Variants in FAM234B observed in about 807,000 individuals in gnomAD.
The protein encoded by FAM234B is protein FAM234B.
FAM234B carries 33 observed loss-of-function variants against 69.3 expected under a neutral mutation model. The observed-to-expected ratio is 0.48, with a 90% confidence interval of 0.36 to 0.64. The LOEUF (loss-of-function observed/expected upper bound fraction) is 0.64. Ranked by LOEUF, FAM234B falls within the 30% of genes least tolerant of loss-of-function variation. The pLI, the probability that FAM234B is intolerant of heterozygous loss-of-function variation, is 0.00. For missense variants in FAM234B, 697 were observed against 769.7 expected (o/e 0.91, Z 1.12); for synonymous variants, 306 against 306.9 (o/e 1.00, Z 0.03).
At position 13,067,979 on chromosome 12, in the gene FAM234B, C is replaced by A. The variant is rs181790518; in HGVS notation, c.1143-325C>A. On this transcript the variant is annotated intron_variant, in intron 7 of 12. Transcript: ENST00000197268. This position sits in a 1 kb window ranked among gnomAD's most constrained non-coding sequence, Gnocchi z 4.7. ...TCATTGGCAACCTCTGGCCTCCTGT[C>A]CAGATCTCTGTCTGCCTTCCCTGTG... Among the ~76,000 whole-genome samples, 370 of 152,328 alleles carry A rather than the reference C, an allele frequency of 2.4e-3. 7 individuals carry two copies. Among genetic ancestry groups the A allele is most frequent in the Non-Finnish European group, 9.7e-4 (66 of 68,038 alleles).
intron 11 of FAM234B, among the ~76,000 whole-genome samples, chr12:13,077,924 G>C (rs1490662868): frequency 1.3e-5 from 2 of 152,082 alleles, no homozygotes; most frequent in African/African-American, 4.8e-5. Flanking sequence ...ATCCTCTCCA[G>C]CACCTGTTGT....
In FAM234B at chr12:13,055,555, G is replaced by A. The variant is rs1036773613; in HGVS notation, c.42G>A (p.Lys14=). Residue 14 remains lysine, a synonymous_variant, in exon 2 of 13, where the codon AAG becomes AAA. Transcript: ENST00000197268. ...VLSRALKLPG[K]KSPDLGEYDP... is the part of the protein sequence containing the mutation. ...TCTGTTTTTCTGTATTTTCAGGGAAGAAGAGCCCAGACCTAGGGGAGTATG... is the reference window on the plus strand; with the variant it reads ...TCTGTTTTTCTGTATTTTCAGGGAAAAAGAGCCCAGACCTAGGGGAGTATG... 2 of 1,585,096 alleles carry A rather than the reference G, an allele frequency of 1.3e-6. No homozygotes were observed. Among genetic ancestry groups the A allele is most frequent in the Non-Finnish European group, 1.7e-6 (2 of 1,158,730 alleles).
rs150884504 is a variant in FAM234B, at chr12:13,049,460, G to A, written c.37+5020G>A. Among the ~76,000 whole-genome samples the A allele has an allele frequency of 3.2e-3, 495 of 152,350 alleles. 3 individuals are homozygous for A. The highest frequency in any genetic ancestry group is 0.011 in the African/African-American group (471 of 41,574). On this transcript the variant is annotated intron_variant, in intron 1 of 12. Coordinates refer to ENST00000197268, the MANE Select transcript of FAM234B (RefSeq NM_020853.2). ...CTCCCAAAGTGCTGGGATTACAGGC[G>A]TGAGCCAGCACCCCTGGTCTGAGAT...
At chr12:13,057,377 T>C (rs1295968386) in intron 2 of FAM234B, among the ~76,000 whole-genome samples, 1 of 152,246 alleles carries the variant, frequency 6.6e-6, no homozygotes, top group Non-Finnish European at 1.5e-5. Context: ...TTTTCACTAC[T>C]GTCTGATTTT....
chr12:13,052,507 C>T (rs1413210901), intron 1 of FAM234B, among the ~76,000 whole-genome samples: 1 of 152,074 alleles, frequency 6.6e-6, no homozygotes, highest in Admixed American at 6.5e-5. Context: ...GTTAAGTATA[C>T]AGTTCAGTAT....
chr12:13,059,193 G>T (rs1000842331), intron 3 of FAM234B, among the ~76,000 whole-genome samples: 23 of 152,206 alleles, frequency 1.5e-4, no homozygotes, highest in Non-Finnish European at 4.4e-5. Flanking sequence ...CCCCGCCGGG[G>T]TCACTGCAGA....
At chr12:13,053,020 T>C (rs1267745708) in intron 1 of FAM234B, among the ~76,000 whole-genome samples, 1 of 152,164 alleles carries the variant, frequency 6.6e-6, no homozygotes. Context: ...GAAATACAAA[T>C]TGTAGGAGAT....
In FAM234B at chr12:13,082,066, C is replaced by T. The variant is rs1591605489; in HGVS notation, c.*1436C>T. 1 of 147,198 alleles carries T rather than the reference C, an allele frequency of 6.8e-6. No homozygotes were observed. The highest frequency in any genetic ancestry group is 2.5e-5 in the African/African-American group (1 of 39,726). The allele number at this position is 147,198 out of a possible 1,614,324, so 9.1% of individuals were successfully genotyped here. A position where few individuals can be genotyped will look rare whatever the true frequency, so the allele number is the denominator to read the frequency against. On this transcript the variant is annotated 3_prime_UTR_variant, in exon 13 of 13. Transcript: ENST00000197268. ...CTTCGCCTCCTGGGTTCAAGCGATT[C>T]TCCAGCCTTAGCCTCCCAAGTAGCT...
At chr12:13,062,802 G>T (rs368875135) in intron 4 of FAM234B, 43 bp from the exon 5 acceptor site, 49 of 1,606,124 alleles carry the variant, frequency 3.1e-5, no homozygotes, top group Non-Finnish European at 3.7e-5. Context: ...TTTTCCAAAG[G>T]CAAGAAGTTG....
chr12:13,053,583 A>C (rs1182212482), intron 1 of FAM234B, among the ~76,000 whole-genome samples: 3 of 152,192 alleles, frequency 2.0e-5, no homozygotes, highest in Non-Finnish European at 2.9e-5. Flanking sequence ...GGGTGTAGGA[A>C]CAGGGAGTAG....
In FAM234B at chr12:13,044,448, G is replaced by A; in HGVS notation, c.37+8G>A. On this transcript the variant is annotated splice_region_variant and intron_variant, in intron 1 of 12. Transcript: ENST00000197268. This position sits in a 1 kb window ranked among gnomAD's most constrained non-coding sequence, Gnocchi z 5.6. ...GGGCGCTCAAGCTGCCGGGTAAGGA[G>A]TCGCATGCTTGCGACCACCCAGTCC... The A allele has an allele frequency of 6.4e-7, 1 of 1,551,126 alleles. No individual in the cohort carries two copies. The highest frequency in any genetic ancestry group is 8.7e-7 in the Non-Finnish European group (1 of 1,146,840).
rs141623503 is a variant in FAM234B at position 13,048,313 on chromosome 12, C to A, written c.37+3873C>A. Among the ~76,000 whole-genome samples, 5 of 152,206 alleles carry A rather than the reference C, an allele frequency of 3.3e-5. No individual in the cohort carries two copies. In the East Asian group the frequency reaches 7.7e-4, roughly 23 times the overall value. ...GTCATTAGTGACTTGATTCTTTTTCCTTTGGCCTGGCTGCTTATAGGATTC... is the reference window on the plus strand; with the variant it reads ...GTCATTAGTGACTTGATTCTTTTTCATTTGGCCTGGCTGCTTATAGGATTC... On this transcript the variant is annotated intron_variant, in intron 1 of 12. Coordinates refer to ENST00000197268, the MANE Select transcript of FAM234B (RefSeq NM_020853.2).
At chr12:13,063,561 T>C (rs931186799) in intron 5 of FAM234B, among the ~76,000 whole-genome samples, 4 of 152,206 alleles carry the variant, frequency 2.6e-5, no homozygotes, top group African/African-American at 9.7e-5. Context: ...ATCTAGGCTG[T>C]GACAAGGCAG....
At chr12:13,077,582 C>G (rs944242136) in intron 11 of FAM234B, among the ~76,000 whole-genome samples, 3 of 151,850 alleles carry the variant, frequency 2.0e-5, no homozygotes, top group African/African-American at 7.3e-5. Context: ...TCATCCATGT[C>G]CCTACAAAGG....
At chr12:13,064,493 T>C (rs978391676) in intron 5 of FAM234B, among the ~76,000 whole-genome samples, 1 of 152,214 alleles carries the variant, frequency 6.6e-6, no homozygotes, top group African/African-American at 2.4e-5. Context: ...GGATAGTGGC[T>C]CAGGCCCTTG....
chr12:13,051,546 CT>C (rs1327097682), intron 1 of FAM234B, among the ~76,000 whole-genome samples: 2 of 152,218 alleles, frequency 1.3e-5, no homozygotes, highest in East Asian at 3.8e-4. Context: ...CTCTCAAGAT[CT>C]TACGTTATAG....
At position 13,079,715 on chromosome 12, in the gene FAM234B, TTGAACCAAACCCCTCTCC is replaced by T. The variant is rs1340850274; in HGVS notation, c.1643-71_1643-54del. 33 of 908,740 alleles carry T rather than the reference TTGAACCAAACCCCTCTCC, an allele frequency of 3.6e-5. No homozygotes were observed. The Admixed American group carries it at 6.6e-4, about 18-fold the overall frequency. The allele number at this position is 908,740 out of a possible 1,614,324, so 56.3% of individuals were successfully genotyped here. ...AACTTATGAGTAAATAAATGTATTG[TTGAACCAAACCCCTCTCC>T]TGTTAGTGGACGGTATGTGTCCATG... On this transcript the variant is annotated intron_variant, in intron 11 of 12. Coordinates refer to ENST00000197268, the MANE Select transcript of FAM234B (RefSeq NM_020853.2).
rs748468214 is a variant in FAM234B at position 13,062,981 on chromosome 12, A to AT, written c.852+7dup. The AT allele has an allele frequency of 3.7e-6, 6 of 1,613,524 alleles. No individual in the cohort carries two copies. In the South Asian group the frequency reaches 6.6e-5, roughly 18 times the overall value. On this transcript the variant is annotated splice_region_variant and intron_variant, in intron 5 of 12. Transcript: ENST00000197268. ...TGGCCATTGGGGAATTGCAGGTATG[A>AT]TCTCTATTAAATGTTTTTTGTTTCT...
Position 13,061,216 on chromosome 12 carries a change from C to T in FAM234B, c.533-359C>T, listed in dbSNP as rs543981414. On this transcript the variant is annotated intron_variant, in intron 3 of 12. Coordinates refer to ENST00000197268, the MANE Select transcript of FAM234B (RefSeq NM_020853.2). Reference sequence around the variant, plus strand: ...TCCTGTCTCTTATTAGGCAAACAGTCGGTTGCTGTAGGTACAGAGATTAGT... The same window carrying T: ...TCCTGTCTCTTATTAGGCAAACAGTTGGTTGCTGTAGGTACAGAGATTAGT... 2.3e-3 allele frequency among the ~76,000 whole-genome samples: 349 copies of T among 152,218 alleles called. 3 individuals are homozygous for T. Among genetic ancestry groups the T allele is most frequent in the African/African-American group, 8.1e-3 (337 of 41,524 alleles).
Sources: allele counts gnomAD v4.1 joint callset (sites outside exome capture counted in the v4.1 genomes callset), GRCh38; gene constraint gnomAD v4.1.1; non-coding constraint Gnocchi (gnomAD v3.1); transcripts MANE v1.5; gene names NCBI Gene and HGNC (gene_info 2026-07-23, HGNC 2026-07-21).